Variants in PAH observed in about 807,000 individuals in gnomAD.
PAH encodes the protein phenylalanine hydroxylase, also known as phenylalanine-4-hydroxylase.
A neutral mutation model predicts 62.0 loss-of-function variants in PAH; 64 were observed. The ratio of observed to expected loss-of-function variants is 1.03; its 90% CI spans 0.84 to 1.27. PAH has a LOEUF of 1.27. Among genes scored for constraint, PAH ranks in the 50% most tolerant of loss-of-function variants. The pLI is 0.00. For synonymous variants in PAH, 195 were observed against 196.2 expected (o/e 0.99, Z 0.05); for missense variants, 579 against 542.8 (o/e 1.07, Z -0.66).
At chr12:102,875,355 C>G (rs543257169) in intron 4 of PAH, among the ~76,000 whole-genome samples, 1 of 152,276 alleles carries the variant, frequency 6.6e-6, no homozygotes, top group Non-Finnish European at 1.5e-5. Flanking sequence ...TCCACTGTCC[C>G]AAATGAAAAG....
intron 3 of PAH, among the ~76,000 whole-genome samples, chr12:102,888,614 T>C (rs1274982728): frequency 2.0e-5 from 3 of 150,948 alleles, no homozygotes; most frequent in African/African-American, 7.3e-5. Flanking sequence ...TGTGACTGAC[T>C]GCAGGGAGCA....
chr12:102,845,093 G>A (rs1874778145), intron 9 of PAH, among the ~76,000 whole-genome samples: 1 of 152,172 alleles, frequency 6.6e-6, no homozygotes, highest in Admixed American at 6.5e-5. Context: ...AACTGCCCCA[G>A]TGCCATGGAC....
chr12:102,865,503 A>G (rs1356016269), intron 5 of PAH, among the ~76,000 whole-genome samples: 1 of 152,196 alleles, frequency 6.6e-6, no homozygotes, highest in Non-Finnish European at 1.5e-5. Flanking sequence ...GCCCCCAGAC[A>G]CACAGCAAGA....
chr12:102,885,553 C>T (rs1025682957), intron 3 of PAH, among the ~76,000 whole-genome samples: 1 of 152,302 alleles, frequency 6.6e-6, no homozygotes, highest in East Asian at 1.9e-4. Flanking sequence ...ATTGATTTGG[C>T]TCCAAAGGAA....
At chr12:102,933,661 C>T (rs1878996723) in intron 1 of PAH, among the ~76,000 whole-genome samples, 1 of 152,170 alleles carries the variant, frequency 6.6e-6, no homozygotes, top group African/African-American at 2.4e-5. Context: ...GATGATATTT[C>T]ATTGCAGTTT....
At chr12:102,843,905 A>G in intron 10 of PAH, 126 bp from the exon 11 acceptor site, 1 of 1,043,814 alleles carries the variant, frequency 9.6e-7, no homozygotes, top group Non-Finnish European at 1.5e-6. Flanking sequence ...CACAGCCCAA[A>G]TGCTGTGAGC....
intron 1 of PAH, among the ~76,000 whole-genome samples, chr12:102,948,105 T>C (rs1164430626): frequency 1.3e-5 from 2 of 152,184 alleles, no homozygotes; most frequent in Non-Finnish European, 2.9e-5. Flanking sequence ...TGTTGACTAA[T>C]GTTCAAAAAA....
At position 102,861,802 on chromosome 12, in the gene PAH, A is replaced by T. The variant is rs563764848; in HGVS notation, c.509+4794T>A. ...ACAATGAGAACACTTGGACACAGGA[A>T]GGGGAACATCACACACGGGCCTGTT... On this transcript the variant is annotated intron_variant, in intron 5 of 12. Transcript: ENST00000553106. Among the ~76,000 whole-genome samples, 29 of 152,184 alleles carry T rather than the reference A, an allele frequency of 1.9e-4. No individual in the cohort carries two copies. In the East Asian group the frequency reaches 4.4e-3, roughly 23 times the overall value.
At chr12:102,845,295 T>C (rs1426963520) in intron 9 of PAH, among the ~76,000 whole-genome samples, 4 of 152,184 alleles carry the variant, frequency 2.6e-5, no homozygotes, top group Admixed American at 2.6e-4. Context: ...GTTCTCCATA[T>C]GACAGGAACT....
chr12:102,940,535 T>C (rs1879252417), intron 1 of PAH, among the ~76,000 whole-genome samples: 1 of 152,174 alleles, frequency 6.6e-6, no homozygotes, highest in Non-Finnish European at 1.5e-5. Context: ...CATAACACAA[T>C]ATTAACAGCA....
At chr12:102,956,061 C>G (rs1176322038) in intron 1 of PAH, among the ~76,000 whole-genome samples, 1 of 152,172 alleles carries the variant, frequency 6.6e-6, no homozygotes, top group African/African-American at 2.4e-5. Context: ...AAGAGCAGCT[C>G]CCTGGGTCAT....
intron 8 of PAH, among the ~76,000 whole-genome samples, chr12:102,849,783 G>A (rs943013624): frequency 6.6e-6 from 1 of 152,110 alleles, no homozygotes; most frequent in African/African-American, 2.4e-5. Flanking sequence ...TACAACAAGG[G>A]GGGCCCCACA....
rs1166069532 is a variant in PAH at position 102,899,858 on chromosome 12, C to CAAAA, written c.169-4944_169-4941dup. On this transcript the variant is annotated intron_variant, in intron 2 of 12. Coordinates refer to ENST00000553106, the MANE Select transcript of PAH (RefSeq NM_000277.3). Reference sequence around the variant, plus strand: ...TGGGCGACAGAGCGAGACTCCGTCTCAAAAAAAAAAAAAAAAAAAAAAAAA... The same window carrying CAAAA: ...TGGGCGACAGAGCGAGACTCCGTCTCAAAAAAAAAAAAAAAAAAAAAAAAAAAAA... 3.0e-3 allele frequency among the ~76,000 whole-genome samples: 29 copies of CAAAA among 9,538 alleles called. 6 individuals carry two copies. Among genetic ancestry groups the CAAAA allele is most frequent in the Non-Finnish European group, 3.8e-3 (19 of 5,050 alleles). The allele number at this position is 9,538 out of a possible 152,430, so 6.3% of individuals were successfully genotyped here.
chr12:102,847,087 C>A, intron 8 of PAH, 136 bp from the exon 9 acceptor site: 1 of 723,246 alleles, frequency 1.4e-6, no homozygotes, highest in South Asian at 1.5e-5. Context: ...AGTGTGTTAT[C>A]AAGTCTTTCC....
Position 102,844,316 on chromosome 12 carries a change from G to A in PAH, c.1065+20C>T, listed in dbSNP as rs370258593. 4.0e-6 allele frequency: 6 copies of A among 1,513,498 alleles called. No homozygotes were observed. In the South Asian group the frequency reaches 4.5e-5, roughly 11 times the overall value. 93.8% of individuals were successfully genotyped at this position (1,513,498 alleles called of 1,614,324 possible). A position where few individuals can be genotyped will look rare whatever the true frequency, so the allele number is the denominator to read the frequency against. On this transcript the variant is annotated intron_variant, in intron 10 of 12. Transcript: ENST00000553106. The stretch of plus-strand genomic sequence containing the variant: ...ACCCACCACTTTTAAATCTATCCTT[G>A]GTTCCTGTGAAGGTCATACCTGTAA...
In PAH at chr12:102,897,463, G is replaced by GTA. The variant is rs1298377232; in HGVS notation, c.169-2546_169-2545insTA. The stretch of plus-strand genomic sequence containing the variant: ...AACTCTCATATATATGTGTGTGTGT[G>GTA]TGTATATATATATATATATATATAT... On this transcript the variant is annotated intron_variant, in intron 2 of 12. Coordinates refer to ENST00000553106, the MANE Select transcript of PAH (RefSeq NM_000277.3). Among the ~76,000 whole-genome samples, 436 of 105,564 alleles carry GTA rather than the reference G, an allele frequency of 4.1e-3. 4 individuals are homozygous for GTA. The highest frequency in any genetic ancestry group is 0.012 in the African/African-American group (334 of 28,558). 69.3% of individuals were successfully genotyped at this position (105,564 alleles called of 152,430 possible).
At chr12:102,911,555 A>C (rs550455301) in intron 2 of PAH, among the ~76,000 whole-genome samples, 2 of 152,322 alleles carry the variant, frequency 1.3e-5, no homozygotes, top group East Asian at 3.9e-4. Context: ...TATTTTCATT[A>C]GACTGAATAA....
At chr12:102,860,403 T>C (rs1378502376) in intron 5 of PAH, among the ~76,000 whole-genome samples, 2 of 152,196 alleles carry the variant, frequency 1.3e-5, no homozygotes, top group Non-Finnish European at 2.9e-5. Flanking sequence ...AAAATGGCCA[T>C]ACTGCCCAAG....
upstream of PAH, among the ~76,000 whole-genome samples, chr12:102,921,192 A>G (rs1401207316): frequency 6.6e-6 from 1 of 152,214 alleles, no homozygotes; most frequent in African/African-American, 2.4e-5. Context: ...TATTCTCCAA[A>G]GGTCAGAATT....
Sources: allele counts gnomAD v4.1 joint callset (sites outside exome capture counted in the v4.1 genomes callset), GRCh38; gene constraint gnomAD v4.1.1; transcripts MANE v1.5; gene names NCBI Gene and HGNC (gene_info 2026-07-23, HGNC 2026-07-21).